MOCOS: variants seen among roughly 807,000 people sequenced by gnomAD.
MOCOS encodes the protein human molybdenum cofactor sulfurase.
Under a neutral mutation model 83.6 loss-of-function variants are expected in MOCOS, and 86 were observed. That is an observed-to-expected ratio of 1.03 (90% CI 0.86 to 1.23). The LOEUF is 1.23. Among genes scored for constraint, MOCOS ranks in the 50% most tolerant of loss-of-function variants. The pLI, the probability that MOCOS is intolerant of heterozygous loss-of-function variation, is 0.00. For missense variants in MOCOS, 1,120 were observed against 1,126.9 expected, an observed-to-expected ratio of 0.99 and a Z score of 0.09; for synonymous variants, 445 against 434.7, an observed-to-expected ratio of 1.02 and a Z score of -0.29.
At chr18:36,216,075 C>T (rs1370975431) in intron 8 of MOCOS, 98 bp downstream of exon 8, 2 of 1,268,174 alleles carry the variant, frequency 1.6e-6, no homozygotes, top group Non-Finnish European at 2.2e-6. Flanking sequence ...CAAAATCATT[C>T]ATCAGAGTGT....
chr18:36,240,136 G>GTCAAAGTCAT, intron 9 of MOCOS, among the ~76,000 whole-genome samples: 1 of 126,858 alleles, frequency 7.9e-6, no homozygotes, highest in East Asian at 2.1e-4. Flanking sequence ...CTCTCAGCTC[G>GTCAAAGTCAT]TCAAAGTCAT....
At chr18:36,196,701 C>T (rs1283833262) in intron 2 of MOCOS, among the ~76,000 whole-genome samples, 4 of 151,772 alleles carry the variant, frequency 2.6e-5, no homozygotes, top group Admixed American at 1.3e-4. Context: ...GAGCCATAAC[C>T]GTGGGAAAGC....
At chr18:36,203,515 C>T (rs2091422732) in intron 5 of MOCOS, among the ~76,000 whole-genome samples, 1 of 152,204 alleles carries the variant, frequency 6.6e-6, no homozygotes, top group African/African-American at 2.4e-5. Context: ...CCTTTACCTG[C>T]TCTTGCCTTT....
intron 2 of MOCOS, 23 bp downstream of exon 2, chr18:36,195,369 G>T: frequency 1.3e-6 from 2 of 1,591,492 alleles, no homozygotes; most frequent in South Asian, 1.1e-5. Context: ...ACCTGAAACA[G>T]GTTTTAGTCA....
chr18:36,193,676 A>G (rs2091375654), intron 1 of MOCOS, among the ~76,000 whole-genome samples: 1 of 152,242 alleles, frequency 6.6e-6, no homozygotes, highest in Non-Finnish European at 1.5e-5. Flanking sequence ...ACCTTGTTGA[A>G]TTAGACAATA....
Position 36,251,285 on chromosome 18 carries a change from T to C in MOCOS, c.2164+2T>C, listed in dbSNP as rs1164875023. 3 of 1,613,976 alleles carry C rather than the reference T, an allele frequency of 1.9e-6. No individual in the cohort carries two copies. In the Admixed American group the frequency reaches 5.0e-5, roughly 27 times the overall value. ...ATGCAAAGAAGAAACATGGAAAAGG[T>C]ATTACATTTTGAATTGGTTCGTAGA... On this transcript the variant is annotated splice_donor_variant, in intron 11 of 14. Coordinates refer to ENST00000261326, the MANE Select transcript of MOCOS (RefSeq NM_017947.4). LOFTEE classifies it high-confidence loss of function.
At chr18:36,233,832 T>C (rs1351610645) in intron 9 of MOCOS, among the ~76,000 whole-genome samples, 1 of 152,218 alleles carries the variant, frequency 6.6e-6, no homozygotes, top group Non-Finnish European at 1.5e-5. Flanking sequence ...TTGTATATCT[T>C]CTTTTGAAAA....
At chr18:36,193,446 TG>T (rs1363119417) in intron 1 of MOCOS, among the ~76,000 whole-genome samples, 9 of 151,100 alleles carry the variant, frequency 6.0e-5, no homozygotes, top group African/African-American at 2.2e-4. Context: ...CATATGTCTA[TG>T]GTCAATTGAT....
intron 10 of MOCOS, 85 bp from the exon 11 acceptor site, chr18:36,251,074 T>G: frequency 6.7e-7 from 1 of 1,485,158 alleles, no homozygotes; most frequent in East Asian, 2.4e-5. Flanking sequence ...TTTATTTTAT[T>G]TTGTAACCAA....
intron 12 of MOCOS, among the ~76,000 whole-genome samples, chr18:36,258,206 C>T (rs1384537163): frequency 1.3e-5 from 2 of 152,104 alleles, no homozygotes; most frequent in Admixed American, 6.6e-5. Flanking sequence ...GGAGGGGCCA[C>T]GTTCCCCACC....
intron 7 of MOCOS, among the ~76,000 whole-genome samples, chr18:36,214,494 C>T (rs2091468304): frequency 2.6e-5 from 4 of 152,110 alleles, no homozygotes; most frequent in South Asian, 2.1e-4. Context: ...AGGGATTCTG[C>T]GTCTCCCAGA....
chr18:36,205,179 T>A lies in MOCOS; in HGVS notation c.1121T>A (p.Ile374Asn), dbSNP rs935262715. ...QYPNGAPVVRIYSDSEFSSPE... is the reference protein window; with the variant it reads ...QYPNGAPVVRNYSDSEFSSPE... ...CCCAATGGAGCCCCTGTGGTGCGGA[T>A]TTACAGCGATTCTGAGTTCAGCAGC... Residue 374 changes from isoleucine (I) to asparagine (N), a missense_variant, in exon 6 of 15, where the codon ATT (isoleucine) becomes AAT (asparagine). By Grantham distance (149) the Ile-to-Asn change is moderately radical (BLOSUM62 -3). Transcript: ENST00000261326. 6.2e-7 allele frequency: 1 copy of A among 1,613,902 alleles called. No homozygotes were observed. Among genetic ancestry groups the A allele is most frequent in the African/African-American group, 1.3e-5 (1 of 74,958 alleles).
chr18:36,267,166 TG>T (rs1160981209), intron 14 of MOCOS, among the ~76,000 whole-genome samples: 1 of 152,188 alleles, frequency 6.6e-6, no homozygotes, highest in Non-Finnish European at 1.5e-5. Context: ...AGAGAGCTCA[TG>T]AAGAGTAAAG....
chr18:36,249,840 A>G (rs574480347), intron 10 of MOCOS, among the ~76,000 whole-genome samples: 7 of 152,298 alleles, frequency 4.6e-5, no homozygotes, highest in Admixed American at 4.6e-4. Context: ...TCAGGTTTCT[A>G]AAACCTAGCT....
intron 9 of MOCOS, among the ~76,000 whole-genome samples, chr18:36,226,469 T>C (rs1286994120): frequency 1.3e-5 from 2 of 150,352 alleles, no homozygotes; most frequent in Non-Finnish European, 3.0e-5. Flanking sequence ...TTTATGTCTT[T>C]TTATGCTTCT....
intron 6 of MOCOS, among the ~76,000 whole-genome samples, chr18:36,207,184 G>A (rs961604712): frequency 6.6e-6 from 1 of 152,042 alleles, no homozygotes; most frequent in Non-Finnish European, 1.5e-5. Flanking sequence ...TTACAGATGT[G>A]CACCACTACG....
Position 36,266,748 on chromosome 18 carries a change from G to C in MOCOS, c.2410-1G>C. On this transcript the variant is annotated splice_acceptor_variant, in intron 13 of 14. Transcript: ENST00000261326. LOFTEE classifies it high-confidence loss of function. ...GCTGTGTTTTCCTTCTCACCTGCCA[G>C]GTTTTGGGGCCTTGTCACAGATGCC... is the stretch of plus-strand genomic sequence containing the variant. 1 of 1,613,908 alleles carries C rather than the reference G, an allele frequency of 6.2e-7. No homozygotes were observed. The highest frequency in any genetic ancestry group is 1.1e-5 in the South Asian group (1 of 91,068).
chr18:36,237,749 A>G (rs1349849973), intron 9 of MOCOS, among the ~76,000 whole-genome samples: 4 of 151,602 alleles, frequency 2.6e-5, no homozygotes, highest in Non-Finnish European at 5.9e-5. Flanking sequence ...TCGGCTGTGA[A>G]TCCATCTGGT....
At chr18:36,248,067 C>T (rs1009781830) in intron 9 of MOCOS, among the ~76,000 whole-genome samples, 1 of 152,044 alleles carries the variant, frequency 6.6e-6, no homozygotes, top group Non-Finnish European at 1.5e-5. Context: ...ACATTCCTAC[C>T]AACAGTGTGT....
Sources: allele counts gnomAD v4.1 joint callset (sites outside exome capture counted in the v4.1 genomes callset), GRCh38; gene constraint gnomAD v4.1.1; transcripts MANE v1.5; gene names NCBI Gene and HGNC (gene_info 2026-07-23, HGNC 2026-07-21).